CDRT4: variants seen among roughly 807,000 people sequenced by gnomAD.
The protein encoded by CDRT4 is CMT1A duplicated region transcript 4 protein.
For synonymous variants in CDRT4, 64 were observed against 69.6 expected, an observed-to-expected ratio of 0.92 and a Z score of 0.40; for missense variants, 167 against 193.1, an observed-to-expected ratio of 0.87 and a Z score of 0.80.
At chr17:15,442,674 C>T (rs1978822709) in intron 2 of CDRT4, among the ~76,000 whole-genome samples, 1 of 152,162 alleles carries the variant, frequency 6.6e-6, no homozygotes, top group Non-Finnish European at 1.5e-5. Flanking sequence ...CACCTGACCC[C>T]TACAGCTGTG....
chr17:15,467,296 C>T (rs1025933637), intron 1 of CDRT4, among the ~76,000 whole-genome samples, 164 bp downstream of exon 1: 1 of 152,092 alleles, frequency 6.6e-6, no homozygotes, highest in Non-Finnish European at 1.5e-5. Context: ...GGATTGGGAT[C>T]CACTTAAGGG....
chr17:15,443,159 G>A (rs371444944), intron 2 of CDRT4, among the ~76,000 whole-genome samples: 11 of 152,178 alleles, frequency 7.2e-5, no homozygotes, highest in African/African-American at 2.4e-4. Flanking sequence ...TACCTGGAAC[G>A]TGAAACAATC....
chr17:15,439,975 A>C (rs1284162246), intron 3 of CDRT4, among the ~76,000 whole-genome samples: 1 of 152,036 alleles, frequency 6.6e-6, no homozygotes, highest in Non-Finnish European at 1.5e-5. Context: ...GCATTAGGAG[A>C]TATACCTAAT....
chr17:15,447,192 A>G (rs1243382087), intron 2 of CDRT4, among the ~76,000 whole-genome samples: 1 of 152,236 alleles, frequency 6.6e-6, no homozygotes, highest in Non-Finnish European at 1.5e-5. Flanking sequence ...TGTTCCATCA[A>G]CCACTCTGCA....
intron 2 of CDRT4, among the ~76,000 whole-genome samples, chr17:15,451,229 T>C (rs771683391): frequency 6.6e-6 from 1 of 152,204 alleles, no homozygotes; most frequent in African/African-American, 2.4e-5. Context: ...CTGTCTTGCC[T>C]GCTGCCATGT....
intron 2 of CDRT4, among the ~76,000 whole-genome samples, chr17:15,448,663 T>G (rs564953087): frequency 2.0e-5 from 3 of 152,308 alleles, no homozygotes; most frequent in African/African-American, 7.2e-5. Flanking sequence ...TTCCGGAGCC[T>G]GGAGGCAGTC....
intron 1 of CDRT4, among the ~76,000 whole-genome samples, chr17:15,458,644 G>A (rs1002281174): frequency 3.9e-5 from 6 of 152,070 alleles, no homozygotes; most frequent in African/African-American, 7.2e-5. Context: ...TGACAGCCAC[G>A]GTGTTCACCC....
At chr17:15,440,118 G>T in intron 3 of CDRT4, 90 bp downstream of exon 3, 2 of 1,221,970 alleles carry the variant, frequency 1.6e-6, no homozygotes, top group Non-Finnish European at 1.1e-6. Flanking sequence ...AAAAAAGAGT[G>T]GCCGCCCAGT....
chr17:15,450,059 C>T lies in CDRT4; in HGVS notation c.-48+2945G>A, dbSNP rs1979195350. Among the ~76,000 whole-genome samples the T allele has an allele frequency of 1.3e-5, 2 of 152,142 alleles. No homozygotes were observed. The highest frequency in any genetic ancestry group is 2.9e-5 in the Non-Finnish European group (2 of 68,024). On this transcript the variant is annotated intron_variant, in intron 2 of 3. Transcript: ENST00000619038. This position sits in a 1 kb window ranked among gnomAD's most constrained non-coding sequence, Gnocchi z 4.2. ...CTTTTTGATAAAATGATTTATATTC[C>T]TTCAGGTAGATTCCCAGTAGTGGAA... is the stretch of plus-strand genomic sequence containing the variant.
rs534914156 is a variant in CDRT4 at position 15,459,594 on chromosome 17, G to A, written c.-129-6509C>T. 1.8e-3 allele frequency among the ~76,000 whole-genome samples: 270 copies of A among 151,848 alleles called. 7 individuals are homozygous for A. The highest frequency in any genetic ancestry group is 0.016 in the Admixed American group (251 of 15,270). On this transcript the variant is annotated intron_variant, in intron 1 of 3. Coordinates refer to ENST00000619038, the MANE Select transcript of CDRT4 (RefSeq NM_001204477.2). ...TGAGTAGCTGGGACAACAGGCACCC[G>A]CCACCACGCCTGGCTAATTTTTTTT...
chr17:15,443,817 G>A (rs1978890174), intron 2 of CDRT4: 2 of 550,048 alleles, frequency 3.6e-6, no homozygotes, highest in African/African-American at 3.8e-5. Context: ...TGGGGTAACG[G>A]AAAGGAACTG....
At chr17:15,438,580 A>C (rs1474739354) in intron 3 of CDRT4, among the ~76,000 whole-genome samples, 3 of 152,226 alleles carry the variant, frequency 2.0e-5, no homozygotes, top group Admixed American at 6.5e-5. Flanking sequence ...TTAGTGCTTG[A>C]AAGCATGGGT....
chr17:15,443,020 T>A (rs1353997585), intron 2 of CDRT4, among the ~76,000 whole-genome samples: 1 of 152,164 alleles, frequency 6.6e-6, no homozygotes, highest in East Asian at 1.9e-4. Context: ...TTGTTTTTCC[T>A]ACAGACACAA....
chr17:15,452,056 G>A (rs1979285987), intron 2 of CDRT4, among the ~76,000 whole-genome samples: 1 of 152,126 alleles, frequency 6.6e-6, no homozygotes, highest in Non-Finnish European at 1.5e-5. Context: ...CACTTGTATG[G>A]GACACAAATG....
intron 2 of CDRT4, among the ~76,000 whole-genome samples, chr17:15,448,883 A>G (rs1249917140): frequency 6.6e-6 from 1 of 151,968 alleles, no homozygotes; most frequent in African/African-American, 2.4e-5. Flanking sequence ...TGGCTTCTTC[A>G]TTGTCTCCTG....
chr17:15,449,627 T>C (rs1979177603), intron 2 of CDRT4, among the ~76,000 whole-genome samples: 1 of 152,314 alleles, frequency 6.6e-6, no homozygotes, highest in East Asian at 1.9e-4. Flanking sequence ...CGTGTCATGG[T>C]GGGCTTGGGA....
At chr17:15,452,236 C>T (rs1245638227) in intron 2 of CDRT4, among the ~76,000 whole-genome samples, 2 of 152,216 alleles carry the variant, frequency 1.3e-5, no homozygotes, top group Non-Finnish European at 2.9e-5. Context: ...ATCCCTTGCC[C>T]TATCTCTCTC....
intron 1 of CDRT4, among the ~76,000 whole-genome samples, chr17:15,456,565 C>CAA (rs752036682): frequency 9.3e-6 from 1 of 107,728 alleles, no homozygotes; most frequent in Admixed American, 8.7e-5. Context: ...TCTTCCTTTA[C>CAA]ACACACACAC....
In CDRT4 at chr17:15,464,479, G is replaced by T. The variant is rs746663464; in HGVS notation, c.-130+2981C>A. Among the ~76,000 whole-genome samples, 33 of 152,124 alleles carry T rather than the reference G, an allele frequency of 2.2e-4. No homozygotes were observed. The highest frequency in any genetic ancestry group is 4.0e-4 in the Non-Finnish European group (27 of 68,012). ...TTCCCACCCCTTGCTAGTTGGAGCT[G>T]ATTCCTGAGAGGCAGCACTAGATGC... On this transcript the variant is annotated intron_variant, in intron 1 of 3. Transcript: ENST00000619038. This position sits in a 1 kb window ranked among gnomAD's most constrained non-coding sequence, Gnocchi z 4.5.
Sources: allele counts gnomAD v4.1 joint callset (sites outside exome capture counted in the v4.1 genomes callset), GRCh38; gene constraint gnomAD v4.1.1; non-coding constraint Gnocchi (gnomAD v3.1); transcripts MANE v1.5; gene names NCBI Gene and HGNC (gene_info 2026-07-23, HGNC 2026-07-21).